The following FBXW8 variants were observed in gnomAD, a reference collection of about 807,000 sequenced individuals.
FBXW8 encodes F-box and WD repeat domain containing 8, also known as F-box/WD repeat-containing protein 8.
FBXW8 carries 57 observed loss-of-function variants against 65.3 expected under a neutral mutation model. That is an observed-to-expected ratio of 0.87 (90% CI 0.71 to 1.09). The LOEUF (loss-of-function observed/expected upper bound fraction) is 1.09. Ranked by LOEUF, FBXW8 falls within the 50% of genes least tolerant of loss-of-function variation. FBXW8 has a pLI of 0.00. For missense variants in FBXW8, 777 were observed against 814.8 expected (o/e 0.95, Z 0.57); for synonymous variants, 308 against 330.2 (o/e 0.93, Z 0.73).
chr12:117,005,069 G>A (rs1417374111), intron 7 of FBXW8, among the ~76,000 whole-genome samples: 5 of 152,116 alleles, frequency 3.3e-5, no homozygotes, highest in Admixed American at 6.5e-5. Flanking sequence ...TGGGACTGTC[G>A]GACTGGATGT....
rs1953773711 is a variant in FBXW8 at position 117,010,346 on chromosome 12, A to G, written c.1263A>G (p.Ala421=). Residue 421 remains alanine, a synonymous_variant, in exon 8 of 11, where the codon GCA becomes GCG. Coordinates refer to ENST00000652555, the MANE Select transcript of FBXW8 (RefSeq NM_153348.3). ...AGATCCTGGTGTATAGCCTGGAAGC[A>G]GGACGCCGCCTCTTGAAGCTGGGTA... ...GSKILVYSLE[A]GRRLLKLGNV... 1 of 1,614,124 alleles carries G rather than the reference A, an allele frequency of 6.2e-7. No individual in the cohort carries two copies. The highest frequency in any genetic ancestry group is 1.1e-5 in the South Asian group (1 of 91,084).
At chr12:116,921,624 G>A (rs1397694229) in intron 1 of FBXW8, among the ~76,000 whole-genome samples, 2 of 152,052 alleles carry the variant, frequency 1.3e-5, no homozygotes, top group Non-Finnish European at 2.9e-5. Flanking sequence ...CTAGCACCTG[G>A]TGTGGCCCTG....
chr12:117,011,796 A>G (rs1369782656), intron 8 of FBXW8, among the ~76,000 whole-genome samples: 1 of 152,168 alleles, frequency 6.6e-6, no homozygotes, highest in African/African-American at 2.4e-5. Flanking sequence ...AGCCACAGTT[A>G]GGCTCACCGG....
chr12:117,002,686 A>G (rs1488054286), intron 7 of FBXW8: 2 of 152,194 alleles, frequency 1.3e-5, no homozygotes, highest in Non-Finnish European at 2.9e-5. Context: ...AAATTACATC[A>G]TATCGGAGTA....
At position 116,945,534 on chromosome 12, in the gene FBXW8, C is replaced by T; in HGVS notation, c.588+6C>T. ...TGTTACGAACCAACTGGAAGGTGGG[C>T]AGTGGCCAATATCATTACCTGTGAA... On this transcript the variant is annotated splice_donor_region_variant and intron_variant, in intron 3 of 10. Coordinates refer to ENST00000652555, the MANE Select transcript of FBXW8 (RefSeq NM_153348.3). 2 of 1,612,686 alleles carry T rather than the reference C, an allele frequency of 1.2e-6. No individual in the cohort carries two copies. The highest frequency in any genetic ancestry group is 2.2e-5 in the South Asian group (2 of 90,844).
At chr12:116,944,448 A>G (rs1392145964) in intron 2 of FBXW8, among the ~76,000 whole-genome samples, 1 of 152,128 alleles carries the variant, frequency 6.6e-6, no homozygotes, top group Non-Finnish European at 1.5e-5. Context: ...AGTGGCCCTA[A>G]GGGAGTGTTA....
chr12:116,975,659 A>G (rs1048590908), intron 5 of FBXW8, among the ~76,000 whole-genome samples: 34 of 152,360 alleles, frequency 2.2e-4, no homozygotes, highest in Admixed American at 1.4e-3. Flanking sequence ...GATAGTTAAC[A>G]TGGCCAGTAA....
At chr12:116,918,474 G>A (rs77117429) in intron 1 of FBXW8, among the ~76,000 whole-genome samples, 3,087 of 152,234 alleles carry the variant, frequency 0.02, 91 homozygotes, top group African/African-American at 0.064. Flanking sequence ...CTTACCTAAG[G>A]TAAGTAGGAT....
At chr12:116,957,920 A>G (rs1299652623) in intron 4 of FBXW8, among the ~76,000 whole-genome samples, 1 of 152,226 alleles carries the variant, frequency 6.6e-6, no homozygotes, top group Non-Finnish European at 1.5e-5. Context: ...TCTTTAATGA[A>G]GGAGCTCCAG....
At chr12:116,959,455 G>A (rs1307235966) in intron 4 of FBXW8, among the ~76,000 whole-genome samples, 1 of 151,980 alleles carries the variant, frequency 6.6e-6, no homozygotes, top group Non-Finnish European at 1.5e-5. Flanking sequence ...TGTGACCCTG[G>A]GTAAGTCACT....
chr12:117,011,001 G>C (rs182240355), intron 8 of FBXW8, among the ~76,000 whole-genome samples: 196 of 152,282 alleles, frequency 1.3e-3, no homozygotes, highest in Middle Eastern at 6.8e-3. Context: ...CCCGGTATAG[G>C]GGCCTGTGCC....
At chr12:116,977,352 CACTT>C (rs1224257419) in intron 5 of FBXW8, 7 of 152,112 alleles carry the variant, frequency 4.6e-5, no homozygotes, top group African/African-American at 7.2e-5. Context: ...TCTGAGAAGA[CACTT>C]AGTCTGCAGT....
Position 116,949,817 on chromosome 12 carries a change from C to T in FBXW8, c.677+111C>T. ...GCTTCCTTTGAGAGCATGTACCTCC[C>T]TCAGTTACAGCCCATGTGGAAGAGG... On this transcript the variant is annotated intron_variant, in intron 4 of 10. Coordinates refer to ENST00000652555, the MANE Select transcript of FBXW8 (RefSeq NM_153348.3). 9 of 960,592 alleles carry T rather than the reference C, an allele frequency of 9.4e-6. No individual in the cohort carries two copies. In the South Asian group the frequency reaches 1.2e-4, roughly 13 times the overall value. 59.5% of individuals were successfully genotyped at this position (960,592 alleles called of 1,614,324 possible).
intron 2 of FBXW8, among the ~76,000 whole-genome samples, chr12:116,929,538 TTTTTC>T (rs1227951237): frequency 2.0e-5 from 1 of 50,150 alleles, no homozygotes; most frequent in Non-Finnish European, 6.0e-5. Context: ...CCTGGACTGA[TTTTTC>T]TTTTTTTAAA....
rs933320214 is a variant in FBXW8, at chr12:117,029,195, A to C, written c.*1023A>C. On this transcript the variant is annotated 3_prime_UTR_variant, in exon 11 of 11. Coordinates refer to ENST00000652555, the MANE Select transcript of FBXW8 (RefSeq NM_153348.3). ...ACGAAGGCCACAAAGAACAGCTCAG[A>C]TGCACAAAGATTCACACCATACAGG... 3.3e-5 allele frequency: 5 copies of C among 152,282 alleles called. No individual in the cohort carries two copies. Among genetic ancestry groups the C allele is most frequent in the Non-Finnish European group, 7.3e-5 (5 of 68,086 alleles). 9.4% of individuals were successfully genotyped at this position (152,282 alleles called of 1,614,324 possible).
intron 6 of FBXW8, 38 bp downstream of exon 6, chr12:116,985,440 T>G (rs1453530656): frequency 6.3e-7 from 1 of 1,594,056 alleles, no homozygotes; most frequent in Non-Finnish European, 8.6e-7. Flanking sequence ...TTTCTATTCT[T>G]AGAATCTCTG....
intron 7 of FBXW8, among the ~76,000 whole-genome samples, chr12:117,006,138 T>C (rs1953669713): frequency 1.3e-5 from 2 of 152,218 alleles, no homozygotes; most frequent in Non-Finnish European, 2.9e-5. Flanking sequence ...GCTTAATGCC[T>C]GGTGGTGGTT....
intron 5 of FBXW8, among the ~76,000 whole-genome samples, chr12:116,983,933 A>T (rs116120850): frequency 0.015 from 2,298 of 152,310 alleles, 53 homozygotes; most frequent in African/African-American, 0.046. Context: ...CAGAGCTGTT[A>T]AGCAGCTCCC....
intron 6 of FBXW8, 113 bp downstream of exon 6, chr12:116,985,515 C>A (rs1340303585): frequency 2.9e-6 from 3 of 1,020,508 alleles, no homozygotes; most frequent in Non-Finnish European, 4.3e-6. Context: ...TCCTGCGGGC[C>A]TTACCTCCAT....
Sources: gnomAD v4.1 joint callset for allele counts (sites outside exome capture counted in the v4.1 genomes callset) on GRCh38, gnomAD v4.1.1 for gene constraint, MANE v1.5 for transcripts, NCBI Gene and HGNC (gene_info 2026-07-23, HGNC 2026-07-21) for gene names.